ZNF716: variants seen among roughly 807,000 people sequenced by gnomAD.
The protein encoded by ZNF716 is zinc finger protein 716.
ZNF716 carries 9 observed loss-of-function variants against 13.4 expected under a neutral mutation model. That is an observed-to-expected ratio of 0.67 (90% CI 0.41 to 1.18). ZNF716 has a LOEUF of 1.18. Among genes scored for constraint, ZNF716 ranks in the 50% most tolerant of loss-of-function variants. The probability of loss-of-function intolerance (pLI) is 0.01; values close to 1 mark genes in which losing one functional copy is unlikely to be tolerated. For missense variants in ZNF716, 581 were observed against 576.6 expected (o/e 1.01, Z -0.08); for synonymous variants, 186 against 195.2 (o/e 0.95, Z 0.39).
intron 1 of ZNF716, among the ~76,000 whole-genome samples, chr7:57,460,445 A>G (rs1428365686): frequency 1.3e-5 from 2 of 148,954 alleles, no homozygotes; most frequent in South Asian, 2.1e-4. Context: ...TTGGAATGCC[A>G]TGTGTTCGGA....
intron 3 of ZNF716, among the ~76,000 whole-genome samples, chr7:57,466,238 A>G (rs1426540357): frequency 6.6e-6 from 1 of 152,158 alleles, no homozygotes; most frequent in Non-Finnish European, 1.5e-5. Context: ...ATGAAAATAT[A>G]TATATAAAAA....
chr7:57,467,969 A>G (rs1554324421), intron 3 of ZNF716, among the ~76,000 whole-genome samples: 2 of 152,000 alleles, frequency 1.3e-5, no homozygotes, highest in East Asian at 3.9e-4. Flanking sequence ...CTAATATTTT[A>G]TAAACATAAT....
chr7:57,461,358 C>G (rs1554323058), intron 1 of ZNF716, among the ~76,000 whole-genome samples: 1 of 152,124 alleles, frequency 6.6e-6, no homozygotes, highest in East Asian at 1.9e-4. Context: ...TGTGCATCAG[C>G]ACATAATAAA....
At position 57,470,042 on chromosome 7, in the gene ZNF716, T is replaced by A; in HGVS notation, c.*93T>A. 2 of 1,244,088 alleles carry A rather than the reference T, an allele frequency of 1.6e-6. No homozygotes were observed. The highest frequency in any genetic ancestry group is 2.2e-6 in the Non-Finnish European group (2 of 913,740). The allele number at this position is 1,244,088 out of a possible 1,614,324, so 77.1% of individuals were successfully genotyped here. A position where few individuals can be genotyped will look rare whatever the true frequency, so the allele number is the denominator to read the frequency against. ...AGTGTGGAGAATGTGGCCAATTCTTTAACCAGTTCCAAACCACTGCTGTCC... is the reference window on the plus strand; with the variant it reads ...AGTGTGGAGAATGTGGCCAATTCTTAAACCAGTTCCAAACCACTGCTGTCC... On this transcript the variant is annotated 3_prime_UTR_variant, in exon 4 of 4. Coordinates refer to ENST00000420713, the MANE Select transcript of ZNF716 (RefSeq NM_001159279.1).
chr7:57,457,203 G>A (rs34192373), intron 1 of ZNF716, among the ~76,000 whole-genome samples: 32,155 of 152,048 alleles, frequency 0.21, 4,228 homozygotes, highest in South Asian at 0.29. Context: ...CAATGTAGGG[G>A]TCTATACCAC....
rs553126107 is a variant in ZNF716 at position 57,472,011 on chromosome 7, A to C, written c.*2062A>C. 1 of 152,304 alleles carries C rather than the reference A, an allele frequency of 6.6e-6. No individual in the cohort carries two copies. Among genetic ancestry groups the C allele is most frequent in the South Asian group, 2.1e-4 (1 of 4,826 alleles). 9.4% of individuals were successfully genotyped at this position (152,304 alleles called of 1,614,324 possible). A position where few individuals can be genotyped will look rare whatever the true frequency, so the allele number is the denominator to read the frequency against. ...TCACATTTCAAATTACTTCATGTTG[A>C]TCCTTTCTTCCCATTGTTTCTGTGA... is the stretch of plus-strand genomic sequence containing the variant. On this transcript the variant is annotated 3_prime_UTR_variant, in exon 4 of 4. Coordinates refer to ENST00000420713, the MANE Select transcript of ZNF716 (RefSeq NM_001159279.1).
At position 57,468,837 on chromosome 7, in the gene ZNF716, A is replaced by G. The variant is rs563693139; in HGVS notation, c.376A>G (p.Lys126Glu). The stretch of plus-strand genomic sequence containing the variant: ...ATGTGGACAGGAGGATTTACAAGTA[A>G]AAAAATGCTGTAAAAGTGTAGGTGA... The part of the protein sequence containing the change: ...GKCGQEDLQV[K>E]KCCKSVGECE... The change falls in exon 4 of 4, where the codon AAA becomes GAA. Residue 126 changes from lysine (K) to glutamate (E), a missense_variant. Transcript: ENST00000420713. The G allele has an allele frequency of 6.8e-6, 11 of 1,613,604 alleles. No homozygotes were observed. Among genetic ancestry groups the G allele is most frequent in the South Asian group, 6.6e-5 (6 of 91,064 alleles).
chr7:57,463,841 ACATT>A (rs1373747575), intron 3 of ZNF716, among the ~76,000 whole-genome samples: 2 of 152,076 alleles, frequency 1.3e-5, no homozygotes, highest in Admixed American at 6.6e-5. Context: ...TATTTGAAAA[ACATT>A]CATGATATTT....
intron 3 of ZNF716, 52 bp downstream of exon 3, chr7:57,463,220 A>G (rs1789741142): frequency 2.5e-6 from 4 of 1,596,536 alleles, no homozygotes; most frequent in Non-Finnish European, 2.5e-6. Context: ...ACAAAAGTCA[A>G]GGAGGAAGCC....
Position 57,469,827 on chromosome 7 carries a change from A to G in ZNF716, c.1366A>G (p.Arg456Gly), listed in dbSNP as rs782436451. Residue 456 changes from arginine to glycine, a missense_variant, in exon 4 of 4, where the codon AGG becomes GGG. By Grantham distance (125) the Arg-to-Gly change is moderately radical. Transcript: ENST00000420713. ...TFSSTLNTHK[R>G]IHTGEKPYKC... ...CTCCTCAACTCTAAATACTCATAAG[A>G]GGATTCATACTGGAGAGAAACCCTA... is the stretch of plus-strand genomic sequence containing the variant. 30 of 1,603,806 alleles carry G rather than the reference A, an allele frequency of 1.9e-5. No individual in the cohort carries two copies. The African/African-American group carries it at 2.7e-4, about 14-fold the overall frequency.
chr7:57,466,652 A>T (rs1311027053), intron 3 of ZNF716, among the ~76,000 whole-genome samples: 2 of 152,152 alleles, frequency 1.3e-5, no homozygotes, highest in Admixed American at 6.6e-5. Flanking sequence ...TACTCTACTG[A>T]ACAGTGAACC....
intron 3 of ZNF716, among the ~76,000 whole-genome samples, chr7:57,464,596 A>C (rs1789772774): frequency 6.6e-6 from 1 of 152,146 alleles, no homozygotes; most frequent in Non-Finnish European, 1.5e-5. Context: ...TTTGAAATTT[A>C]GTTAAATTTT....
At chr7:57,463,963 A>G (rs1350965843) in intron 3 of ZNF716, among the ~76,000 whole-genome samples, 2 of 147,724 alleles carry the variant, frequency 1.4e-5, no homozygotes, top group African/African-American at 4.9e-5. Flanking sequence ...TGGCCATCCT[A>G]ATTGATGCAA....
intron 3 of ZNF716, among the ~76,000 whole-genome samples, chr7:57,464,307 G>T (rs1554323699): frequency 6.6e-6 from 1 of 151,750 alleles, no homozygotes; most frequent in African/African-American, 2.4e-5. Context: ...TTTTTGTAGA[G>T]ATGGAGTTTC....
intron 1 of ZNF716, among the ~76,000 whole-genome samples, chr7:57,451,469 A>C (rs1554321542): frequency 2.2e-5 from 2 of 89,228 alleles, no homozygotes; most frequent in African/African-American, 1.0e-4. Flanking sequence ...TTTTTTTGAG[A>C]TAGAGCCTCG....
At chr7:57,464,296 T>A (rs13246447) in intron 3 of ZNF716, among the ~76,000 whole-genome samples, 2 of 151,464 alleles carry the variant, frequency 1.3e-5, no homozygotes, top group East Asian at 2.0e-4. Flanking sequence ...TAATTTTGTA[T>A]TTTTTGTAGA....
chr7:57,451,262 G>C (rs890380179), intron 1 of ZNF716, among the ~76,000 whole-genome samples: 1 of 151,822 alleles, frequency 6.6e-6, no homozygotes, highest in Non-Finnish European at 1.5e-5. Context: ...TGATCCGCCT[G>C]CCTTGGCCTC....
chr7:57,463,505 G>T (rs1444300407), intron 3 of ZNF716, among the ~76,000 whole-genome samples: 1 of 152,126 alleles, frequency 6.6e-6, no homozygotes, highest in Admixed American at 6.6e-5. Flanking sequence ...AACTCTATGT[G>T]AAACCATTTT....
intron 1 of ZNF716, among the ~76,000 whole-genome samples, chr7:57,453,274 G>C (rs1789529104): frequency 6.6e-6 from 1 of 152,156 alleles, no homozygotes; most frequent in Non-Finnish European, 1.5e-5. Flanking sequence ...TGGAGTGGTT[G>C]TCCTTGAGCA....
Sources: allele counts gnomAD v4.1 joint callset (sites outside exome capture counted in the v4.1 genomes callset), GRCh38; gene constraint gnomAD v4.1.1; transcripts MANE v1.5; gene names NCBI Gene and HGNC (gene_info 2026-07-23, HGNC 2026-07-21).